The following BTRC variants were observed in gnomAD, a reference collection of about 807,000 sequenced individuals.
BTRC encodes the protein beta-transducin repeat containing E3 ubiquitin protein ligase.
In BTRC, 42 loss-of-function variants were observed where a neutral mutation model predicts 85.5. The ratio of observed to expected loss-of-function variants is 0.49; its 90% CI spans 0.38 to 0.64. The LOEUF is 0.64. BTRC is among the 30% of genes least tolerant of loss of function. BTRC has a pLI of 0.00. For synonymous variants in BTRC, 255 were observed against 263.3 expected (o/e 0.97, Z 0.30); for missense variants, 594 against 743.5 (o/e 0.80, Z 2.34).
intron 2 of BTRC, among the ~76,000 whole-genome samples, chr10:101,455,028 A>G (rs2134150477): frequency 6.6e-6 from 1 of 151,882 alleles, no homozygotes; most frequent in East Asian, 1.9e-4. Context: ...GTTAAGAAAG[A>G]TTAACCTGGC....
In BTRC at chr10:101,493,030, G is replaced by A. The variant is rs763862345; in HGVS notation, c.324+13573G>A. 3.3e-4 allele frequency among the ~76,000 whole-genome samples: 50 copies of A among 152,250 alleles called. No homozygotes were observed. The Middle Eastern group carries it at 0.014, about 41-fold the overall frequency. ...ATTACTAGTATTATTTAGTGCCCTT[G>A]AAACTTCTGAAGTTGGAGGTTTCAA... On this transcript the variant is annotated intron_variant, in intron 4 of 14. Transcript: ENST00000370187.
At chr10:101,469,410 C>T (rs1014053628) in intron 3 of BTRC, among the ~76,000 whole-genome samples, 2 of 152,128 alleles carry the variant, frequency 1.3e-5, no homozygotes, top group South Asian at 4.1e-4. Context: ...CTGGAAACTC[C>T]CTCAGGCCTG....
chr10:101,525,952 T>G, intron 5 of BTRC, 61 bp from the exon 6 acceptor site: 1 of 1,516,632 alleles, frequency 6.6e-7, no homozygotes, highest in South Asian at 1.2e-5. Flanking sequence ...AAGGACCTTT[T>G]GTAAAAAATC....
At chr10:101,505,164 T>TATAC (rs1946499068) in intron 4 of BTRC, among the ~76,000 whole-genome samples, 1 of 143,718 alleles carries the variant, frequency 7.0e-6, no homozygotes, top group Non-Finnish European at 1.5e-5. Context: ...TATGTATATA[T>TATAC]ATATATATAT....
chr10:101,476,340 A>C (rs1009043567), intron 3 of BTRC, among the ~76,000 whole-genome samples: 2 of 152,188 alleles, frequency 1.3e-5, no homozygotes, highest in African/African-American at 2.4e-5. Flanking sequence ...AAACTGGTGA[A>C]ACCTGAGTAA....
At chr10:101,385,618 C>CTTTTTTTTTTTTTTTTTTTTTTTT (rs36030307) in intron 1 of BTRC, among the ~76,000 whole-genome samples, 20 of 79,808 alleles carry the variant, frequency 2.5e-4, no homozygotes, top group Non-Finnish European at 3.7e-4. Context: ...TCTTCTTCTT[C>CTTTTTTTTTTTTTTTTTTTTTTTT]TTTTTTTTTT....
intron 3 of BTRC, among the ~76,000 whole-genome samples, chr10:101,478,482 T>C (rs2134221842): frequency 6.6e-6 from 1 of 151,984 alleles, no homozygotes. Flanking sequence ...AATTTTTTCA[T>C]TTATTGTTCT....
intron 4 of BTRC, among the ~76,000 whole-genome samples, chr10:101,513,934 A>G (rs1417670927): frequency 1.3e-5 from 2 of 152,342 alleles, no homozygotes; most frequent in Middle Eastern, 3.4e-3. Context: ...TCTTGTCCAC[A>G]CTTAGTATTG....
intron 4 of BTRC, among the ~76,000 whole-genome samples, chr10:101,513,869 T>C (rs1441969728): frequency 6.6e-6 from 1 of 152,250 alleles, no homozygotes; most frequent in Non-Finnish European, 1.5e-5. Flanking sequence ...TCCAAAGTAG[T>C]TGTACCATTA....
rs560211120 is a variant in BTRC at position 101,431,234 on chromosome 10, G to A, written c.156+782G>A. Among the ~76,000 whole-genome samples, 5 of 151,862 alleles carry A rather than the reference G, an allele frequency of 3.3e-5. No individual in the cohort carries two copies. In the South Asian group the frequency reaches 8.3e-4, roughly 25 times the overall value. ...TGGGATTACAGTTACGCGCCACCACGCCTGGCTAATTTTTGTATTTTTAGT... is the reference window on the plus strand; with the variant it reads ...TGGGATTACAGTTACGCGCCACCACACCTGGCTAATTTTTGTATTTTTAGT... On this transcript the variant is annotated intron_variant, in intron 2 of 14. Coordinates refer to ENST00000370187, the MANE Select transcript of BTRC (RefSeq NM_033637.4).
intron 1 of BTRC, among the ~76,000 whole-genome samples, chr10:101,391,659 A>C (rs1943239504): frequency 6.6e-6 from 1 of 152,208 alleles, no homozygotes; most frequent in African/African-American, 2.4e-5. Flanking sequence ...GCTCTCTAGA[A>C]CAGTAGCCTC....
At chr10:101,473,556 C>A (rs1250244732) in intron 3 of BTRC, among the ~76,000 whole-genome samples, 2 of 149,962 alleles carry the variant, frequency 1.3e-5, no homozygotes, top group African/African-American at 2.5e-5. Context: ...CTGCAACCTC[C>A]GTCTCCCGGG....
chr10:101,380,190 T>G (rs1942893157), intron 1 of BTRC, among the ~76,000 whole-genome samples: 1 of 152,210 alleles, frequency 6.6e-6, no homozygotes, highest in Non-Finnish European at 1.5e-5. Flanking sequence ...GGCATGTTGC[T>G]TAACCTCCTT....
At chr10:101,468,765 C>G (rs1945445581) in intron 3 of BTRC, among the ~76,000 whole-genome samples, 1 of 152,076 alleles carries the variant, frequency 6.6e-6, no homozygotes. Context: ...ACAATGCAGC[C>G]CAGTAACAAG....
At chr10:101,529,961 C>T (rs1420700979) in intron 6 of BTRC, among the ~76,000 whole-genome samples, 1 of 152,196 alleles carries the variant, frequency 6.6e-6, no homozygotes, top group East Asian at 1.9e-4. Context: ...TTAGTACACC[C>T]ATAGTGGGGT....
rs117021611 is a variant in BTRC, at chr10:101,412,114, T to A, written c.49-18231T>A. Among the ~76,000 whole-genome samples, 1,489 of 152,276 alleles carry A rather than the reference T, an allele frequency of 9.8e-3. 11 individuals are homozygous for A. The highest frequency in any genetic ancestry group is 0.018 in the Non-Finnish European group (1,214 of 68,010). The stretch of plus-strand genomic sequence containing the variant: ...AGTTTCTAGTTGCTGAGCTTATAGT[T>A]CTGTTGTAGTTTTTTGCCTAGTGTT... On this transcript the variant is annotated intron_variant, in intron 1 of 14. Coordinates refer to ENST00000370187, the MANE Select transcript of BTRC (RefSeq NM_033637.4).
chr10:101,460,331 G>A (rs145451603), intron 2 of BTRC, among the ~76,000 whole-genome samples: 3 of 151,884 alleles, frequency 2.0e-5, no homozygotes, highest in South Asian at 2.1e-4. Flanking sequence ...ATTGCCAGTC[G>A]CCTCATTTGT....
At chr10:101,362,777 C>T (rs1942250474) in intron 1 of BTRC, among the ~76,000 whole-genome samples, 1 of 152,096 alleles carries the variant, frequency 6.6e-6, no homozygotes, top group Admixed American at 6.5e-5. Flanking sequence ...TTTGTGGGTT[C>T]CATATCTGCT....
chr10:101,544,472 T>C (rs1240117879), intron 13 of BTRC, among the ~76,000 whole-genome samples: 1 of 151,510 alleles, frequency 6.6e-6, no homozygotes, highest in Non-Finnish European at 1.5e-5. Context: ...TGCAGTGGCA[T>C]GATCATAGCT....
Sources: gnomAD v4.1 joint callset for allele counts (sites outside exome capture counted in the v4.1 genomes callset) on GRCh38, gnomAD v4.1.1 for gene constraint, MANE v1.5 for transcripts, NCBI Gene and HGNC (gene_info 2026-07-23, HGNC 2026-07-21) for gene names.